The following STRBP variants were observed in gnomAD, a reference collection of about 807,000 sequenced individuals.
STRBP encodes spermatid perinuclear RNA-binding protein.
Under a neutral mutation model 80.1 loss-of-function variants are expected in STRBP, and 13 were observed. That is an observed-to-expected ratio of 0.16 (90% CI 0.11 to 0.26). The LOEUF is 0.26. Ranked by LOEUF, STRBP falls within the 10% of genes least tolerant of loss-of-function variation. The pLI is 1.00. For missense variants in STRBP, 485 were observed against 815.2 expected, an observed-to-expected ratio of 0.59 and a Z score of 4.93; for synonymous variants, 284 against 291.2, an observed-to-expected ratio of 0.98 and a Z score of 0.25.
At chr9:123,163,795 C>T (rs996856304) in intron 6 of STRBP, among the ~76,000 whole-genome samples, 2 of 151,992 alleles carry the variant, frequency 1.3e-5, no homozygotes, top group Non-Finnish European at 2.9e-5. Context: ...ACACTGCTAC[C>T]CTTGGTAGCA....
chr9:123,147,705 C>G, intron 12 of STRBP, 73 bp downstream of exon 12: 14 of 765,524 alleles, frequency 1.8e-5, no homozygotes, highest in Non-Finnish European at 2.7e-5. Context: ...AAAAACCCTT[C>G]ACTTTTAATT....
At chr9:123,253,443 C>T (rs537716175) in intron 1 of STRBP, among the ~76,000 whole-genome samples, 4 of 152,300 alleles carry the variant, frequency 2.6e-5, no homozygotes, top group South Asian at 2.1e-4. Context: ...ATCCCTCAAA[C>T]GAGATGATTC....
chr9:123,135,071 G>A (rs992440915), intron 16 of STRBP, among the ~76,000 whole-genome samples: 4 of 152,128 alleles, frequency 2.6e-5, no homozygotes, highest in East Asian at 3.8e-4. Context: ...ATAGTAAAAT[G>A]TCCATGGCCT....
intron 13 of STRBP, among the ~76,000 whole-genome samples, chr9:123,141,645 A>C (rs1013320156): frequency 2.6e-5 from 4 of 152,214 alleles, no homozygotes; most frequent in Non-Finnish European, 4.4e-5. Context: ...CAACATAGAC[A>C]ATAAAAATAG....
At chr9:123,151,398 T>C (rs2037051006) in intron 11 of STRBP, among the ~76,000 whole-genome samples, 3 of 152,230 alleles carry the variant, frequency 2.0e-5, no homozygotes, top group African/African-American at 7.2e-5. Flanking sequence ...AACTGCAGAA[T>C]ATACATTTTC....
intron 4 of STRBP, among the ~76,000 whole-genome samples, chr9:123,178,674 CACT>C (rs1164086528): frequency 2.0e-5 from 3 of 152,098 alleles, no homozygotes; most frequent in Admixed American, 2.0e-4. Context: ...AGATCAAAAA[CACT>C]ACTATTTATT....
intron 11 of STRBP, among the ~76,000 whole-genome samples, chr9:123,151,746 A>G (rs2037066161): frequency 6.6e-6 from 1 of 152,176 alleles, no homozygotes; most frequent in Non-Finnish European, 1.5e-5. Context: ...AAAATCAATG[A>G]TGTATTCATC....
intron 2 of STRBP, among the ~76,000 whole-genome samples, chr9:123,219,089 G>A (rs2039990492): frequency 8.7e-6 from 1 of 114,888 alleles, no homozygotes; most frequent in African/African-American, 8.1e-5. Flanking sequence ...AATAATCACT[G>A]TATCACCCCG....
At chr9:123,196,532 T>A (rs142015907) in intron 2 of STRBP, among the ~76,000 whole-genome samples, 2 of 151,078 alleles carry the variant, frequency 1.3e-5, no homozygotes, top group African/African-American at 4.9e-5. Flanking sequence ...AACAACTCAA[T>A]AGGAAAAAAA....
chr9:123,190,217 T>C (rs180686832), intron 2 of STRBP, among the ~76,000 whole-genome samples: 101 of 151,860 alleles, frequency 6.7e-4, no homozygotes, highest in Admixed American at 1.0e-3. Context: ...GAGGCAGAAG[T>C]TGCAGTGAGC....
rs1001372299 is a variant in STRBP, at chr9:123,236,916, T to G, written c.-251A>C. 1.3e-5 allele frequency: 2 copies of G among 152,268 alleles called. No homozygotes were observed. Among genetic ancestry groups the G allele is most frequent in the African/African-American group, 4.8e-5 (2 of 41,434 alleles). The allele number at this position is 152,268 out of a possible 1,614,324, so 9.4% of individuals were successfully genotyped here. A position where few individuals can be genotyped will look rare whatever the true frequency, so the allele number is the denominator to read the frequency against. ...TGGGAGGCTGAGGCAGGCGGATCAC[T>G]TGCGTTCAGGAGTTCGAGACCAGCC... On this transcript the variant is annotated 5_prime_UTR_variant, in exon 2 of 19. Coordinates refer to ENST00000348403, the MANE Select transcript of STRBP (RefSeq NM_018387.5).
chr9:123,189,722 T>C (rs2038850802), intron 2 of STRBP, among the ~76,000 whole-genome samples: 1 of 151,408 alleles, frequency 6.6e-6, no homozygotes, highest in East Asian at 2.0e-4. Context: ...GGGGGAGGGA[T>C]AGCATTAGGA....
At chr9:123,203,925 T>TCG (rs2039420540) in intron 2 of STRBP, among the ~76,000 whole-genome samples, 1 of 151,976 alleles carries the variant, frequency 6.6e-6, no homozygotes, top group Admixed American at 6.6e-5. Flanking sequence ...TGAGCCAAGA[T>TCG]CGCGCCACTG....
At chr9:123,222,007 T>C (rs1320930262) in intron 2 of STRBP, among the ~76,000 whole-genome samples, 1 of 152,182 alleles carries the variant, frequency 6.6e-6, no homozygotes, top group African/African-American at 2.4e-5. Context: ...GATTATTATG[T>C]GGGGTATACA....
intron 6 of STRBP, among the ~76,000 whole-genome samples, chr9:123,161,778 C>T (rs2037532373): frequency 6.6e-6 from 1 of 152,314 alleles, no homozygotes; most frequent in South Asian, 2.1e-4. Context: ...GGCTATTCAG[C>T]TTGCCTTAAT....
chr9:123,225,162 T>G (rs145108278), intron 2 of STRBP, among the ~76,000 whole-genome samples: 2 of 152,238 alleles, frequency 1.3e-5, no homozygotes, highest in African/African-American at 4.8e-5. Context: ...GAGTGTGCAG[T>G]GATGAAGATG....
intron 17 of STRBP, among the ~76,000 whole-genome samples, chr9:123,131,132 T>A (rs2036119044): frequency 6.6e-6 from 1 of 152,218 alleles, no homozygotes; most frequent in Admixed American, 6.5e-5. Context: ...TCTAGCCAGT[T>A]TGAAATGTAC....
At chr9:123,212,860 T>C (rs1302162654) in intron 2 of STRBP, among the ~76,000 whole-genome samples, 1 of 152,220 alleles carries the variant, frequency 6.6e-6, no homozygotes, top group Non-Finnish European at 1.5e-5. Flanking sequence ...AAAATCTCAG[T>C]ATTTCACAGA....
At chr9:123,137,982 T>A (rs1054374650) in intron 14 of STRBP, among the ~76,000 whole-genome samples, 1 of 152,246 alleles carries the variant, frequency 6.6e-6, no homozygotes, top group Non-Finnish European at 1.5e-5. Context: ...GTAATCACTC[T>A]ATGCTTTCCA....
Sources: gnomAD v4.1 joint callset for allele counts (sites outside exome capture counted in the v4.1 genomes callset) on GRCh38, gnomAD v4.1.1 for gene constraint, MANE v1.5 for transcripts, NCBI Gene and HGNC (gene_info 2026-07-23, HGNC 2026-07-21) for gene names.